The following SH3PXD2A variants were observed in gnomAD, a reference collection of about 807,000 sequenced individuals.
SH3PXD2A encodes SH3 and PX domains 2A, also known as SH3 and PX domain-containing protein 2A.
In SH3PXD2A, 32 loss-of-function variants were observed where a neutral mutation model predicts 115.2. The observed-to-expected ratio is 0.28, with a 90% confidence interval of 0.21 to 0.37. SH3PXD2A has a LOEUF of 0.37. Ranked by LOEUF, SH3PXD2A falls within the 10% of genes least tolerant of loss-of-function variation. The pLI is 1.00. For synonymous variants in SH3PXD2A, 610 were observed against 629.1 expected (o/e 0.97, Z 0.45); for missense variants, 1,328 against 1,498.7 (o/e 0.89, Z 1.88).
intron 5 of SH3PXD2A, among the ~76,000 whole-genome samples, chr10:103,705,344 TC>T (rs1259629394): frequency 6.6e-6 from 1 of 152,230 alleles, no homozygotes; most frequent in East Asian, 1.9e-4. Flanking sequence ...TGAGCAGTTC[TC>T]CCCACCGTGA....
At chr10:103,788,710 T>C (rs2039003763) in intron 2 of SH3PXD2A, among the ~76,000 whole-genome samples, 1 of 151,804 alleles carries the variant, frequency 6.6e-6, no homozygotes, top group Admixed American at 6.6e-5. Flanking sequence ...CTACTAAAAA[T>C]ACAAAAATTA....
At chr10:103,801,769 T>G (rs1237138159) in intron 1 of SH3PXD2A, among the ~76,000 whole-genome samples, 1 of 151,948 alleles carries the variant, frequency 6.6e-6, no homozygotes, top group Non-Finnish European at 1.5e-5. Flanking sequence ...AGTGGTGTGA[T>G]CTCGGTTTAC....
chr10:103,736,314 C>T (rs1285875636), intron 3 of SH3PXD2A, among the ~76,000 whole-genome samples: 1 of 152,236 alleles, frequency 6.6e-6, no homozygotes, highest in Non-Finnish European at 1.5e-5. Flanking sequence ...ATGGCTGTCC[C>T]AGCCTGACTC....
chr10:103,630,922 C>T (rs565211748), intron 8 of SH3PXD2A, among the ~76,000 whole-genome samples: 2 of 152,242 alleles, frequency 1.3e-5, no homozygotes, highest in South Asian at 4.2e-4. Flanking sequence ...GGTAATCCCC[C>T]TTATCCACAT....
At chr10:103,660,928 C>G (rs1457031973) in intron 8 of SH3PXD2A, 55 bp downstream of exon 8, 7 of 1,597,590 alleles carry the variant, frequency 4.4e-6, no homozygotes, top group Non-Finnish European at 5.1e-6. Context: ...AAAACCAGCT[C>G]GGCCCGGGGG....
At chr10:103,732,121 T>C (rs1323763570) in intron 4 of SH3PXD2A, among the ~76,000 whole-genome samples, 2 of 152,210 alleles carry the variant, frequency 1.3e-5, no homozygotes, top group Non-Finnish European at 2.9e-5. Context: ...GGTGAGTTGC[T>C]CATTCTCAAA....
At position 103,602,600 on chromosome 10, in the gene SH3PXD2A, T is replaced by C; in HGVS notation, c.2618A>G (p.Gln873Arg). ...AGVEVQVLEK[Q>R]ESGWWYVRFG... ...CCTCACATACCACCACCCGCTCTCCTGCTTCTCCAGCACCTGCACCTCCAC... is the reference window on the plus strand; with the variant it reads ...CCTCACATACCACCACCCGCTCTCCCGCTTCTCCAGCACCTGCACCTCCAC... Residue 873 changes from glutamine to arginine, a missense_variant, in exon 15 of 15, where the codon CAG (glutamine) becomes CGG (arginine). This residue lies in a region of SH3PXD2A where 574 missense variants were observed against 565.7 expected (regional missense o/e 1.01). Coordinates refer to ENST00000369774, the MANE Select transcript of SH3PXD2A (RefSeq NM_001394015.1). The C allele has an allele frequency of 6.2e-7, 1 of 1,614,160 alleles. No individual in the cohort carries two copies. The highest frequency in any genetic ancestry group is 8.5e-7 in the Non-Finnish European group (1 of 1,180,030).
At chr10:103,611,991 T>C (rs1234553648) in intron 12 of SH3PXD2A, among the ~76,000 whole-genome samples, 1 of 152,186 alleles carries the variant, frequency 6.6e-6, no homozygotes, top group Non-Finnish European at 1.5e-5. Flanking sequence ...ATTAAATCCA[T>C]AGAAGCTAGC....
intron 2 of SH3PXD2A, among the ~76,000 whole-genome samples, chr10:103,789,698 G>A (rs1418610924): frequency 3.3e-5 from 5 of 152,208 alleles, no homozygotes; most frequent in African/African-American, 4.8e-5. Context: ...AGTAGGGGCA[G>A]AGCTGAATTT....
intron 8 of SH3PXD2A, among the ~76,000 whole-genome samples, chr10:103,634,153 C>T (rs1380098455): frequency 6.6e-6 from 1 of 152,232 alleles, no homozygotes; most frequent in Non-Finnish European, 1.5e-5. Context: ...CATCCGGGAT[C>T]CCTGGCTCCT....
At chr10:103,739,540 AAACCGGTGACCGTAT>A (rs1346395255) in intron 3 of SH3PXD2A, among the ~76,000 whole-genome samples, 2 of 152,164 alleles carry the variant, frequency 1.3e-5, no homozygotes, top group Admixed American at 6.5e-5. Flanking sequence ...TCTGAAAGCC[AAACCGGTGACCGTAT>A]AAAAAGGGGG....
intron 8 of SH3PXD2A, among the ~76,000 whole-genome samples, chr10:103,653,172 T>C (rs1187924475): frequency 6.6e-6 from 1 of 152,184 alleles, no homozygotes; most frequent in Non-Finnish European, 1.5e-5. Flanking sequence ...TTCGCAATAT[T>C]TGAGCCCCAT....
chr10:103,688,223 T>A (rs1160002773), intron 6 of SH3PXD2A, among the ~76,000 whole-genome samples: 2 of 152,200 alleles, frequency 1.3e-5, no homozygotes, highest in Admixed American at 1.3e-4. Flanking sequence ...GAAAAATGTC[T>A]CCTCTTTCCA....
chr10:103,829,320 A>C (rs1019057901), intron 1 of SH3PXD2A, among the ~76,000 whole-genome samples: 1 of 152,196 alleles, frequency 6.6e-6, no homozygotes, highest in East Asian at 1.9e-4. Flanking sequence ...CTTCTCTTAA[A>C]GACTGTAATT....
At chr10:103,704,767 A>G (rs1335729896) in intron 5 of SH3PXD2A, among the ~76,000 whole-genome samples, 3 of 152,130 alleles carry the variant, frequency 2.0e-5, no homozygotes, top group African/African-American at 7.2e-5. Flanking sequence ...GGTCTGCCAG[A>G]GCATACATGT....
At chr10:103,689,522 A>AGGTGT (rs905761636) in intron 6 of SH3PXD2A, among the ~76,000 whole-genome samples, 1 of 152,146 alleles carries the variant, frequency 6.6e-6, no homozygotes, top group African/African-American at 2.4e-5. Flanking sequence ...AAAATTAGCC[A>AGGTGT]GGTGTGGTGG....
Position 103,638,311 on chromosome 10 carries a change from C to T in SH3PXD2A, c.605-11109G>A, listed in dbSNP as rs532605930. On this transcript the variant is annotated intron_variant, in intron 8 of 14. Transcript: ENST00000369774. ...ACCATTTGGAAGGCTCCGTGGAGTC[C>T]GTGTCAAGACAGCCTGGGCTGCTGC... is the stretch of plus-strand genomic sequence containing the variant. Among the ~76,000 whole-genome samples the T allele has an allele frequency of 1.6e-3, 246 of 152,336 alleles. 1 individual carries two copies. The highest frequency in any genetic ancestry group is 5.3e-3 in the African/African-American group (219 of 41,582).
chr10:103,806,301 C>T (rs931387904), intron 1 of SH3PXD2A, among the ~76,000 whole-genome samples: 37 of 152,074 alleles, frequency 2.4e-4, no homozygotes, highest in Non-Finnish European at 4.7e-4. Flanking sequence ...AATCTCCAGA[C>T]CCCTCTCTCT....
At chr10:103,749,926 T>TC (rs1400372516) in intron 3 of SH3PXD2A, 1 of 152,206 alleles carries the variant, frequency 6.6e-6, no homozygotes, top group East Asian at 1.9e-4. Context: ...TGCAGGTGGG[T>TC]CCTCTAACTG....
Sources: allele counts gnomAD v4.1 joint callset (sites outside exome capture counted in the v4.1 genomes callset), GRCh38; gene constraint gnomAD v4.1.1; regional missense constraint gnomAD v4.1.1; transcripts MANE v1.5; gene names NCBI Gene and HGNC (gene_info 2026-07-23, HGNC 2026-07-21).